KLHL24: variants seen among roughly 807,000 people sequenced by gnomAD.
KLHL24 encodes kelch-like protein 24.
KLHL24 carries 29 observed loss-of-function variants against 53.4 expected under a neutral mutation model. That is an observed-to-expected ratio of 0.54 (90% confidence interval 0.40 to 0.74). The LOEUF is 0.74. Ranked by LOEUF, KLHL24 falls within the 30% of genes least tolerant of loss-of-function variation. The pLI is 0.00. For missense variants in KLHL24, 504 were observed against 744.0 expected (o/e 0.68, Z 3.75); for synonymous variants, 222 against 253.7 (o/e 0.88, Z 1.19).
chr3:183,677,609 C>T (rs769066380), intron 7 of KLHL24, among the ~76,000 whole-genome samples: 4 of 152,008 alleles, frequency 2.6e-5, no homozygotes, highest in Non-Finnish European at 5.9e-5. Flanking sequence ...AGTAAAAATG[C>T]TTATTGAACT....
intron 7 of KLHL24, among the ~76,000 whole-genome samples, chr3:183,676,087 A>T (rs1277655260): frequency 1.3e-5 from 2 of 152,286 alleles, no homozygotes; most frequent in Middle Eastern, 3.4e-3. Flanking sequence ...TAGTACTGGG[A>T]TTTAGGTGAT....
rs1717358754 is a variant in KLHL24, at chr3:183,647,001, G to A, written c.-61-3295G>A. The stretch of plus-strand genomic sequence containing the variant: ...ATTTTTTTTTTTTTTTTTTAGTAGA[G>A]ACGGGGTTTCACTGTTAGCTAGGAT... On this transcript the variant is annotated intron_variant, in intron 2 of 7. Coordinates refer to ENST00000242810, the MANE Select transcript of KLHL24 (RefSeq NM_017644.3). 4.1e-5 allele frequency among the ~76,000 whole-genome samples: 6 copies of A among 145,824 alleles called. No homozygotes were observed. In the South Asian group the frequency reaches 1.3e-3, roughly 32 times the overall value.
chr3:183,647,325 A>G (rs1449321530), intron 2 of KLHL24, among the ~76,000 whole-genome samples: 1 of 152,106 alleles, frequency 6.6e-6, no homozygotes, highest in East Asian at 2.0e-4. Context: ...CTGAGGCAGG[A>G]GAATCGCTTG....
chr3:183,668,749 C>T (rs1356799895), intron 5 of KLHL24, among the ~76,000 whole-genome samples: 3 of 152,030 alleles, frequency 2.0e-5, no homozygotes, highest in Non-Finnish European at 4.4e-5. Flanking sequence ...TACAAAAATA[C>T]AAAAAATTAG....
chr3:183,645,510 C>A lies in KLHL24; in HGVS notation c.-62+1968C>A, dbSNP rs6797012. Among the ~76,000 whole-genome samples the A allele has an allele frequency of 2.6e-5, 4 of 152,046 alleles. No individual in the cohort carries two copies. The East Asian group carries it at 5.8e-4, about 22-fold the overall frequency. ...CACAAATATATGGGCAACTGTAACC[C>A]AAGTTGGGTGACGTATAATGAAGCA... On this transcript the variant is annotated intron_variant, in intron 2 of 7. Coordinates refer to ENST00000242810, the MANE Select transcript of KLHL24 (RefSeq NM_017644.3).
chr3:183,636,282 G>A (rs973246414), intron 1 of KLHL24: 3 of 152,320 alleles, frequency 2.0e-5, no homozygotes, highest in Non-Finnish European at 4.4e-5. Flanking sequence ...ACGACCGTCG[G>A]TTCTGTCCGG....
rs888740650 is a variant in KLHL24, at chr3:183,682,521, G to A, written c.*3235G>A. On this transcript the variant is annotated 3_prime_UTR_variant, in exon 8 of 8. Transcript: ENST00000242810. ...TAACTTGTTACTTTTGCTCGTTTGG[G>A]GTGTAAAGTGCCATGACTGAATAAT... The A allele has an allele frequency of 1.3e-5, 2 of 152,494 alleles. No homozygotes were observed. Among genetic ancestry groups the A allele is most frequent in the Non-Finnish European group, 2.9e-5 (2 of 68,004 alleles). 9.4% of individuals were successfully genotyped at this position (152,494 alleles called of 1,614,324 possible). A position where few individuals can be genotyped will look rare whatever the true frequency, so the allele number is the denominator to read the frequency against.
chr3:183,644,498 C>T (rs1021521267), intron 2 of KLHL24, among the ~76,000 whole-genome samples: 2 of 152,186 alleles, frequency 1.3e-5, no homozygotes, highest in African/African-American at 4.8e-5. Context: ...GATAGTCTCT[C>T]TTACATACAG....
chr3:183,642,407 T>TA (rs924196126), intron 1 of KLHL24, among the ~76,000 whole-genome samples: 6 of 151,654 alleles, frequency 4.0e-5, no homozygotes, highest in Non-Finnish European at 8.8e-5. Context: ...TGTATACATT[T>TA]AAAAAAAAGG....
At chr3:183,660,720 G>A (rs1465621207) in intron 3 of KLHL24, among the ~76,000 whole-genome samples, 1 of 152,038 alleles carries the variant, frequency 6.6e-6, no homozygotes, top group African/African-American at 2.4e-5. Context: ...GCCATTTCAG[G>A]TGGAAAGCCT....
chr3:183,665,728 AAC>A (rs1186776448), intron 5 of KLHL24, among the ~76,000 whole-genome samples: 3 of 152,132 alleles, frequency 2.0e-5, no homozygotes, highest in African/African-American at 4.8e-5. Context: ...CCAGCCTGGC[AAC>A]AGAGCGAGAC....
rs1712868041 is a variant in KLHL24, at chr3:183,683,165, C to G, written c.*3879C>G. 6.6e-6 allele frequency: 1 copy of G among 152,260 alleles called. No individual in the cohort carries two copies. The allele number at this position is 152,260 out of a possible 1,614,324, so 9.4% of individuals were successfully genotyped here. On this transcript the variant is annotated 3_prime_UTR_variant, in exon 8 of 8. Coordinates refer to ENST00000242810, the MANE Select transcript of KLHL24 (RefSeq NM_017644.3). ...TTAGTAGAGACGGATCACTCCTGAC[C>G]ACGTGATCCGCCCACCTCGGCCTCC...
chr3:183,656,192 A>G (rs1260250900), intron 3 of KLHL24, among the ~76,000 whole-genome samples: 1 of 151,792 alleles, frequency 6.6e-6, no homozygotes. Flanking sequence ...GTACATCACC[A>G]TCCCTGGCTT....
chr3:183,637,109 CT>C (rs886753167), intron 1 of KLHL24, among the ~76,000 whole-genome samples: 2 of 152,220 alleles, frequency 1.3e-5, no homozygotes, highest in African/African-American at 4.8e-5. Flanking sequence ...ACGGTCACCC[CT>C]GAGGCAGTGG....
intron 2 of KLHL24, among the ~76,000 whole-genome samples, chr3:183,648,507 G>C (rs1717654867): frequency 6.6e-6 from 1 of 151,368 alleles, no homozygotes; most frequent in African/African-American, 2.4e-5. Flanking sequence ...CTTTTTGCTT[G>C]CCAGTCTTAG....
intron 7 of KLHL24, among the ~76,000 whole-genome samples, chr3:183,678,829 G>A (rs141335502): frequency 3.3e-5 from 5 of 152,162 alleles, no homozygotes; most frequent in East Asian, 1.9e-4. Flanking sequence ...CTCCATCCAC[G>A]TCCCTACAAA....
chr3:183,642,304 A>G (rs1038943248), intron 1 of KLHL24, among the ~76,000 whole-genome samples: 33 of 152,328 alleles, frequency 2.2e-4, no homozygotes, highest in African/African-American at 7.7e-4. Context: ...CCAAGGGTAC[A>G]TACAAGTCAG....
intron 7 of KLHL24, among the ~76,000 whole-genome samples, chr3:183,674,857 T>C (rs1173289169): frequency 1.6e-4 from 25 of 152,202 alleles, no homozygotes; most frequent in Admixed American, 1.6e-3. Flanking sequence ...TCATAAATGT[T>C]CTTGCCCTGG....
chr3:183,639,365 T>G (rs1331973073), intron 1 of KLHL24, among the ~76,000 whole-genome samples: 1 of 152,110 alleles, frequency 6.6e-6, no homozygotes, highest in African/African-American at 2.4e-5. Context: ...GCGCGGTGGC[T>G]CACGCCTGTA....
Sources: allele counts gnomAD v4.1 joint callset (sites outside exome capture counted in the v4.1 genomes callset), GRCh38; gene constraint gnomAD v4.1.1; transcripts MANE v1.5; gene names NCBI Gene and HGNC (gene_info 2026-07-23, HGNC 2026-07-21).